TBCEL: variants seen among roughly 807,000 people sequenced by gnomAD.
The protein encoded by TBCEL is tubulin folding cofactor E like.
A neutral mutation model predicts 44.2 loss-of-function variants in TBCEL; 15 were observed. That is an observed-to-expected ratio of 0.34 (90% CI 0.23 to 0.52). TBCEL has a LOEUF of 0.52. Ranked by LOEUF, TBCEL falls within the 20% of genes least tolerant of loss-of-function variation. The pLI, the probability that TBCEL is intolerant of heterozygous loss-of-function variation, is 0.95. For missense variants in TBCEL, 319 were observed against 506.3 expected, an observed-to-expected ratio of 0.63 and a Z score of 3.55; for synonymous variants, 171 against 185.4, an observed-to-expected ratio of 0.92 and a Z score of 0.63.
intron 8 of TBCEL, among the ~76,000 whole-genome samples, chr11:121,061,460 A>T (rs889836881): frequency 6.6e-6 from 1 of 151,972 alleles, no homozygotes; most frequent in African/African-American, 2.4e-5. Flanking sequence ...AATGACAGGG[A>T]CATGTTCTGA....
rs1416770449 is a variant in TBCEL, at chr11:121,087,884, T to C, written c.*788T>C. 6.6e-6 allele frequency: 1 copy of C among 152,230 alleles called. No individual in the cohort carries two copies. The highest frequency in any genetic ancestry group is 2.4e-5 in the African/African-American group (1 of 41,470). 9.4% of individuals were successfully genotyped at this position (152,230 alleles called of 1,614,324 possible). ...ACTCACTTTTAATGTCCCTGTACAT[T>C]ATGTCAGCCATTACTTTCATAACAT... On this transcript the variant is annotated 3_prime_UTR_variant, in exon 9 of 9. Coordinates refer to ENST00000683345, the MANE Select transcript of TBCEL (RefSeq NM_001363644.2).
At chr11:121,051,507 G>A (rs555264146) in intron 4 of TBCEL, among the ~76,000 whole-genome samples, 8 of 151,778 alleles carry the variant, frequency 5.3e-5, no homozygotes, top group Admixed American at 2.0e-4. Flanking sequence ...CTGTATGAAA[G>A]TTCTTCGTAT....
intron 8 of TBCEL, among the ~76,000 whole-genome samples, chr11:121,085,897 T>C (rs1565509455): frequency 6.6e-6 from 1 of 152,204 alleles, no homozygotes; most frequent in Non-Finnish European, 1.5e-5. Flanking sequence ...GTGGAGGAAG[T>C]AGGGGGATAA....
chr11:121,029,379 A>T (rs1945104171), intron 1 of TBCEL, among the ~76,000 whole-genome samples: 2 of 152,206 alleles, frequency 1.3e-5, no homozygotes, highest in African/African-American at 2.4e-5. Flanking sequence ...AATAATAACT[A>T]GTTTATTGAC....
chr11:121,069,560 G>C (rs989842445), intron 8 of TBCEL, among the ~76,000 whole-genome samples: 2 of 152,202 alleles, frequency 1.3e-5, no homozygotes, highest in Admixed American at 6.5e-5. Flanking sequence ...GGAGGCCGAG[G>C]TGGGTGGATC....
intron 8 of TBCEL, among the ~76,000 whole-genome samples, chr11:121,070,620 G>A (rs539800164): frequency 4.7e-5 from 7 of 150,226 alleles, no homozygotes; most frequent in African/African-American, 7.3e-5. Flanking sequence ...ACCAAACAGC[G>A]CATGTTCTCA....
At chr11:121,077,476 G>A (rs1192755313) in intron 8 of TBCEL, among the ~76,000 whole-genome samples, 1 of 152,034 alleles carries the variant, frequency 6.6e-6, no homozygotes, top group Non-Finnish European at 1.5e-5. Context: ...GGTCTGTGGT[G>A]ATGTTCCCTC....
chr11:121,087,736 C>T lies in TBCEL; in HGVS notation c.*640C>T, dbSNP rs1471095252. ...TTTAACCTGATTCTAATCTCAGGTA[C>T]GCAGTAAGAAGCTATAACTCTGTTA... On this transcript the variant is annotated 3_prime_UTR_variant, in exon 9 of 9. Coordinates refer to ENST00000683345, the MANE Select transcript of TBCEL (RefSeq NM_001363644.2). 3 of 152,184 alleles carry T rather than the reference C, an allele frequency of 2.0e-5. No homozygotes were observed. The highest frequency in any genetic ancestry group is 1.3e-4 in the Admixed American group (2 of 15,266). 9.4% of individuals were successfully genotyped at this position (152,184 alleles called of 1,614,324 possible). A position where few individuals can be genotyped will look rare whatever the true frequency, so the allele number is the denominator to read the frequency against.
chr11:121,028,589 ATAAC>A (rs1370432981), intron 1 of TBCEL, among the ~76,000 whole-genome samples: 2 of 152,198 alleles, frequency 1.3e-5, no homozygotes, highest in Non-Finnish European at 2.9e-5. Context: ...AAGTGTTGTG[ATAAC>A]TAAGTGAGAT....
chr11:121,065,187 T>G (rs977788130), intron 8 of TBCEL, among the ~76,000 whole-genome samples: 2 of 152,182 alleles, frequency 1.3e-5, no homozygotes, highest in Non-Finnish European at 2.9e-5. Context: ...TATTTTGGTG[T>G]TTTGTAATTA....
intron 8 of TBCEL, among the ~76,000 whole-genome samples, chr11:121,081,330 C>T (rs964597344): frequency 1.3e-5 from 2 of 152,276 alleles, no homozygotes; most frequent in East Asian, 3.8e-4. Flanking sequence ...AACACAAATA[C>T]GGCGTACTTT....
rs1946229004 is a variant in TBCEL, at chr11:121,087,021, G to A, written c.1200G>A (p.Lys400=). 1 of 1,614,100 alleles carries A rather than the reference G, an allele frequency of 6.2e-7. No individual in the cohort carries two copies. The highest frequency in any genetic ancestry group is 8.5e-7 in the Non-Finnish European group (1 of 1,179,966). The change falls in exon 9 of 9, where the codon AAG becomes AAA. Residue 400 remains lysine (K), a synonymous_variant. Transcript: ENST00000683345. ...HEAPFGPEEM[K]YSSRALHSFG... is the part of the protein sequence containing the mutation. The stretch of plus-strand genomic sequence containing the variant: ...CACCCTTTGGCCCAGAGGAAATGAA[G>A]TACAGCTCTCGGGCATTGCATTCCT...
intron 5 of TBCEL, 114 bp from the exon 6 acceptor site, chr11:121,054,938 T>C: frequency 9.1e-7 from 1 of 1,093,602 alleles, no homozygotes; most frequent in East Asian, 2.9e-5. Context: ...CCACAATTCC[T>C]AGCAGAGTCT....
intron 5 of TBCEL, 117 bp downstream of exon 5, chr11:121,053,849 G>A (rs1443990596): frequency 5.0e-6 from 6 of 1,202,258 alleles, no homozygotes; most frequent in Non-Finnish European, 5.7e-6. Context: ...TGGAGAAAGA[G>A]GTTAGAAAAA....
At chr11:121,060,311 TG>T (rs1945698317) in intron 8 of TBCEL, among the ~76,000 whole-genome samples, 1 of 152,000 alleles carries the variant, frequency 6.6e-6, no homozygotes. Flanking sequence ...TAAGAATGAT[TG>T]GGTAAGTATT....
rs115957123 is a variant in TBCEL, at chr11:121,048,884, G to C, written c.273+1217G>C. On this transcript the variant is annotated intron_variant, in intron 4 of 8. Transcript: ENST00000683345. The stretch of plus-strand genomic sequence containing the variant: ...CTCTCTTTCTTTTCTTGTCTACCTG[G>C]CCACTTCCTATTTATCCTTCAAGAC... Among the ~76,000 whole-genome samples, 787 of 151,704 alleles carry C rather than the reference G, an allele frequency of 5.2e-3. 5 individuals are homozygous for C. Among genetic ancestry groups the C allele is most frequent in the African/African-American group, 0.017 (724 of 41,378 alleles).
chr11:121,077,445 A>G (rs1946052459), intron 8 of TBCEL, among the ~76,000 whole-genome samples: 1 of 152,082 alleles, frequency 6.6e-6, no homozygotes, highest in South Asian at 2.1e-4. Context: ...TTTGCTTATC[A>G]TAAGCCTTTA....
intron 1 of TBCEL, among the ~76,000 whole-genome samples, chr11:121,032,019 A>G (rs1945155122): frequency 6.6e-6 from 1 of 152,208 alleles, no homozygotes; most frequent in Non-Finnish European, 1.5e-5. Flanking sequence ...TCTTTATGAA[A>G]TATTTCCCTA....
intron 2 of TBCEL, among the ~76,000 whole-genome samples, chr11:121,043,910 C>A (rs1945380165): frequency 6.6e-6 from 1 of 151,946 alleles, no homozygotes; most frequent in African/African-American, 2.4e-5. Context: ...AGATTGTTTC[C>A]CTGGATGTTC....
Sources: allele counts gnomAD v4.1 joint callset (sites outside exome capture counted in the v4.1 genomes callset), GRCh38; gene constraint gnomAD v4.1.1; transcripts MANE v1.5; gene names NCBI Gene and HGNC (gene_info 2026-07-23, HGNC 2026-07-21).